Variants in CBFA2T2 observed in about 807,000 individuals in gnomAD.
The protein encoded by CBFA2T2 is CBFA2/RUNX1 partner transcriptional co-repressor 2, also known as protein CBFA2T2.
CBFA2T2 carries 11 observed loss-of-function variants against 62.2 expected under a neutral mutation model. The ratio of observed to expected loss-of-function variants is 0.18; its 90% CI spans 0.11 to 0.29. The LOEUF (loss-of-function observed/expected upper bound fraction) is 0.29, where lower values mean the gene tolerates loss of function less well. Ranked by LOEUF, CBFA2T2 falls within the 10% of genes least tolerant of loss-of-function variation. The pLI is 1.00. For synonymous variants in CBFA2T2, 295 were observed against 287.5 expected (o/e 1.03, Z -0.27); for missense variants, 592 against 774.1 (o/e 0.76, Z 2.79).
intron 1 of CBFA2T2, among the ~76,000 whole-genome samples, chr20:33,493,170 G>A (rs2146840469): frequency 6.6e-6 from 1 of 150,888 alleles, no homozygotes; most frequent in East Asian, 2.0e-4. Flanking sequence ...CCGCCTCCTG[G>A]GTTCAAGCAG....
At chr20:33,524,271 T>C (rs2011820476) in intron 1 of CBFA2T2, among the ~76,000 whole-genome samples, 1 of 152,128 alleles carries the variant, frequency 6.6e-6, no homozygotes, top group Non-Finnish European at 1.5e-5. Context: ...CTGTCACAAG[T>C]CACGTGGGCT....
chr20:33,522,190 GT>G (rs2011748070), intron 1 of CBFA2T2, among the ~76,000 whole-genome samples: 1 of 152,118 alleles, frequency 6.6e-6, no homozygotes, highest in Non-Finnish European at 1.5e-5. Flanking sequence ...TACTTCACAG[GT>G]GAGAAAACCA....
intron 1 of CBFA2T2, 117 bp from the exon 2 acceptor site, chr20:33,606,839 C>A: frequency 1.1e-6 from 1 of 898,252 alleles, no homozygotes; most frequent in Non-Finnish European, 1.7e-6. Flanking sequence ...TAGGGGGTCA[C>A]TATTCAGCCT....
chr20:33,580,997 C>T (rs1362808247), intron 1 of CBFA2T2, among the ~76,000 whole-genome samples: 2 of 151,856 alleles, frequency 1.3e-5, no homozygotes, highest in Non-Finnish European at 2.9e-5. Context: ...TATATGTCTG[C>T]CCTCCCTTCC....
At chr20:33,519,864 G>A (rs2011682188) in intron 1 of CBFA2T2, among the ~76,000 whole-genome samples, 2 of 152,022 alleles carry the variant, frequency 1.3e-5, no homozygotes, top group Non-Finnish European at 2.9e-5. Context: ...CTAGTTGGCT[G>A]AGCCGGGCAC....
intron 1 of CBFA2T2, among the ~76,000 whole-genome samples, chr20:33,503,545 A>T (rs943878422): frequency 1.3e-5 from 2 of 151,884 alleles, no homozygotes; most frequent in Non-Finnish European, 2.9e-5. Flanking sequence ...GAGCCACCGC[A>T]CCTGGCCATT....
At chr20:33,639,205 C>T (rs2016733663) in intron 9 of CBFA2T2, 2 of 152,252 alleles carry the variant, frequency 1.3e-5, no homozygotes, top group Admixed American at 1.3e-4. Flanking sequence ...TCAATCATTG[C>T]ACCAGCCTCC....
intron 1 of CBFA2T2, among the ~76,000 whole-genome samples, chr20:33,529,174 T>C (rs368013536): frequency 3.3e-5 from 5 of 152,046 alleles, no homozygotes; most frequent in African/African-American, 1.2e-4. Context: ...TACAGGTGCC[T>C]GCCACCATGC....
At chr20:33,623,335 C>T in intron 5 of CBFA2T2, 39 bp downstream of exon 5, 1 of 1,600,040 alleles carries the variant, frequency 6.2e-7, no homozygotes, top group Non-Finnish European at 8.6e-7. Flanking sequence ...CTTCCTGGAA[C>T]CGCACTGGTC....
rs533715077 is a variant in CBFA2T2 at position 33,536,116 on chromosome 20, A to G, written c.34+45815A>G. On this transcript the variant is annotated intron_variant, in intron 1 of 10. Coordinates refer to ENST00000342704, the MANE Select transcript of CBFA2T2 (RefSeq NM_001032999.3). ...CATCCGATTTCCCAATCTTTTCCCC[A>G]CCTTTCCCCCCTTTCTATTCCACAA... is the stretch of plus-strand genomic sequence containing the variant. Among the ~76,000 whole-genome samples the G allele has an allele frequency of 5.0e-3, 759 of 151,820 alleles. 6 individuals carry two copies. Among genetic ancestry groups the G allele is most frequent in the Admixed American group, 0.013 (199 of 15,260 alleles).
chr20:33,590,604 T>G (rs573432457), intron 1 of CBFA2T2, among the ~76,000 whole-genome samples: 8 of 152,308 alleles, frequency 5.3e-5, no homozygotes, highest in African/African-American at 9.6e-5. Flanking sequence ...AGTGGCATAT[T>G]CCATCTCTGC....
chr20:33,518,136 G>T (rs1294864720), intron 1 of CBFA2T2, among the ~76,000 whole-genome samples: 1 of 151,852 alleles, frequency 6.6e-6, no homozygotes, highest in Non-Finnish European at 1.5e-5. Flanking sequence ...TCTTAGTAGA[G>T]ACTGGGTTTC....
intron 1 of CBFA2T2, among the ~76,000 whole-genome samples, chr20:33,533,255 T>C (rs1289792541): frequency 2.6e-5 from 4 of 152,174 alleles, no homozygotes; most frequent in African/African-American, 9.7e-5. Flanking sequence ...CTCCATAAAG[T>C]ATCCTTGTGC....
At chr20:33,614,842 GAA>G (rs2015650679) in intron 3 of CBFA2T2, among the ~76,000 whole-genome samples, 1 of 152,182 alleles carries the variant, frequency 6.6e-6, no homozygotes, top group Non-Finnish European at 1.5e-5. Flanking sequence ...CTTCAGTTAA[GAA>G]AAGTTTTATA....
chr20:33,536,047 G>A (rs1364878496), intron 1 of CBFA2T2, among the ~76,000 whole-genome samples: 2 of 152,222 alleles, frequency 1.3e-5, no homozygotes, highest in South Asian at 2.1e-4. Context: ...AGAACAAAAT[G>A]AAAAGTCTCA....
chr20:33,536,658 T>C (rs867840529), intron 1 of CBFA2T2, among the ~76,000 whole-genome samples: 3 of 126,692 alleles, frequency 2.4e-5, no homozygotes, highest in South Asian at 2.7e-4. Flanking sequence ...ACTTCTCAGA[T>C]GGGGCGGCCG....
intron 8 of CBFA2T2, among the ~76,000 whole-genome samples, chr20:33,632,557 G>A (rs567381553): frequency 2.5e-4 from 37 of 145,170 alleles, no homozygotes; most frequent in African/African-American, 9.0e-4. Context: ...CAACCTCTGC[G>A]TCCTGGATTC....
At chr20:33,625,667 G>C (rs923655825) in intron 6 of CBFA2T2, among the ~76,000 whole-genome samples, 1 of 152,192 alleles carries the variant, frequency 6.6e-6, no homozygotes, top group Non-Finnish European at 1.5e-5. Context: ...TTAAAATTAG[G>C]CCAAGCTCAG....
At chr20:33,625,840 C>G (rs575997970) in intron 6 of CBFA2T2, among the ~76,000 whole-genome samples, 2 of 151,704 alleles carry the variant, frequency 1.3e-5, no homozygotes, top group Non-Finnish European at 2.9e-5. Flanking sequence ...TGGTGGCTCA[C>G]GCCTGTAATC....
Sources: gnomAD v4.1 joint callset for allele counts (sites outside exome capture counted in the v4.1 genomes callset) on GRCh38, gnomAD v4.1.1 for gene constraint, MANE v1.5 for transcripts, NCBI Gene and HGNC (gene_info 2026-07-23, HGNC 2026-07-21) for gene names.